Variants in IAH1 observed in about 807,000 individuals in gnomAD.
The protein encoded by IAH1 is isoamyl acetate-hydrolyzing esterase 1 homolog.
In IAH1, 24 loss-of-function variants were observed where a neutral mutation model predicts 26.7. The ratio of observed to expected loss-of-function variants is 0.90; its 90% CI spans 0.65 to 1.26. The LOEUF is 1.26. Ranked by LOEUF, IAH1 falls within the 50% of genes most tolerant of loss-of-function variation. The pLI is 0.00. For synonymous variants in IAH1, 140 were observed against 118.5 expected (o/e 1.18, Z -1.18); for missense variants, 300 against 299.9 (o/e 1.00, Z 0.00).
intron 6 of IAH1, chr2:9,494,948 G>T: frequency 1.6e-6 from 1 of 615,294 alleles, no homozygotes; most frequent in Non-Finnish European, 2.6e-6. Flanking sequence ...ACACTCCTCA[G>T]CCTTCAGTGA....
At chr2:9,486,674 C>CA (rs1363416877) in intron 5 of IAH1, 4 of 151,940 alleles carry the variant, frequency 2.6e-5, no homozygotes, top group African/African-American at 9.7e-5. Context: ...CTTAAAAATA[C>CA]AAAAATTAGC....
downstream of IAH1, chr2:9,490,564 TCG>T: frequency 6.5e-7 from 1 of 1,531,876 alleles, no homozygotes; most frequent in East Asian, 2.3e-5. Context: ...AAAAGATGAA[TCG>T]GAGGTCCTCA....
chr2:9,482,033 T>TTTC (rs71389250), intron 4 of IAH1, among the ~76,000 whole-genome samples: 2 of 27,548 alleles, frequency 7.3e-5, no homozygotes, highest in African/African-American at 5.5e-4. Flanking sequence ...GGAAGTTCTC[T>TTTC]TTTTTTTTTT....
rs573123340 is a variant in IAH1, at chr2:9,481,465, A to C, written c.445+18A>C. On this transcript the variant is annotated intron_variant, in intron 4 of 5. Transcript: ENST00000497473. ...CATACAAGGTAAACAAACCACAGCCAATCTCGGCAAATCTGGATAGGAATG... is the reference window on the plus strand; with the variant it reads ...CATACAAGGTAAACAAACCACAGCCCATCTCGGCAAATCTGGATAGGAATG... The C allele has an allele frequency of 3.7e-6, 6 of 1,613,048 alleles. No homozygotes were observed. The African/African-American group carries it at 4.0e-5, about 11-fold the overall frequency.
the IAH1 span, among the ~76,000 whole-genome samples, chr2:9,511,000 C>T: frequency 1.3e-5 from 2 of 152,050 alleles, no homozygotes; most frequent in African/African-American, 4.8e-5. Flanking sequence ...AACATCAAAC[C>T]TTGGCCATTT....
chr2:9,493,908 A>G (rs950699636), downstream of IAH1: 52 of 1,163,526 alleles, frequency 4.5e-5, no homozygotes, highest in Admixed American at 6.2e-5. Context: ...AATAACTGAC[A>G]TGTAAAGGGC....
At chr2:9,493,181 C>T (rs1662300251), downstream of IAH1, among the ~76,000 whole-genome samples, 1 of 152,174 alleles carries the variant, frequency 6.6e-6, no homozygotes, top group African/African-American at 2.4e-5. Context: ...AAATAGCCCT[C>T]ATATACTGGC....
the IAH1 span, among the ~76,000 whole-genome samples, chr2:9,502,564 C>T: frequency 6.6e-6 from 1 of 152,054 alleles, no homozygotes; most frequent in African/African-American, 2.4e-5. Context: ...ATTCATTTAA[C>T]GCATTAATTT....
the IAH1 span, chr2:9,512,305 TG>T: frequency 6.6e-6 from 1 of 152,138 alleles, no homozygotes; most frequent in Non-Finnish European, 1.5e-5. Context: ...TTTTTTGCTG[TG>T]TTTTTTTAAG....
At chr2:9,474,323 G>A (rs903412443), upstream of IAH1, among the ~76,000 whole-genome samples, 1 of 152,210 alleles carries the variant, frequency 6.6e-6, no homozygotes, top group Admixed American at 6.5e-5. The surrounding 1 kb of genome is among the most constrained non-coding windows in gnomAD (Gnocchi z 4.3). Context: ...GCCCCCAACC[G>A]CTTTTCTTCC....
At chr2:9,477,743 CG>C (rs1359549932) in intron 2 of IAH1, among the ~76,000 whole-genome samples, 1 of 151,772 alleles carries the variant, frequency 6.6e-6, no homozygotes, top group Non-Finnish European at 1.5e-5. Context: ...AAGTATTAAC[CG>C]GTTTAAGTTG....
the IAH1 span, among the ~76,000 whole-genome samples, chr2:9,508,443 A>G: frequency 1.3e-5 from 2 of 152,174 alleles, no homozygotes; most frequent in African/African-American, 4.8e-5. Flanking sequence ...CATATTTCAC[A>G]TATCACAAAA....
At chr2:9,495,095 T>C (rs1662471279) in intron 6 of IAH1, among the ~76,000 whole-genome samples, 1 of 152,170 alleles carries the variant, frequency 6.6e-6, no homozygotes, top group Non-Finnish European at 1.5e-5. Context: ...GTCCCAACTT[T>C]CTTGTCACCC....
At chr2:9,498,404 G>A (rs1400788099), downstream of IAH1, among the ~76,000 whole-genome samples, 1 of 152,114 alleles carries the variant, frequency 6.6e-6, no homozygotes, top group Admixed American at 6.5e-5. Context: ...GAATCATTCT[G>A]GAAAATGAAT....
rs1403057257 is a variant in IAH1, at chr2:9,474,678, C to A, written c.81+31C>A. The A allele has an allele frequency of 1.3e-6, 2 of 1,487,344 alleles. No homozygotes were observed. The highest frequency in any genetic ancestry group is 1.8e-6 in the Non-Finnish European group (2 of 1,105,140). 92.1% of individuals were successfully genotyped at this position (1,487,344 alleles called of 1,614,324 possible). ...GCCGCCCCGACGCTCGGCCTCCCGC[C>A]CCGGCCTCCCTGCGGGGTCGCTGCC... On this transcript the variant is annotated intron_variant, in intron 1 of 5. Coordinates refer to ENST00000497473, the MANE Select transcript of IAH1 (RefSeq NM_001039613.3). The surrounding 1 kb of genome is among the most constrained non-coding windows in gnomAD (Gnocchi z 4.3).
intron 2 of IAH1, among the ~76,000 whole-genome samples, chr2:9,476,568 T>C (rs1480510157): frequency 3.3e-5 from 5 of 152,228 alleles, no homozygotes; most frequent in Non-Finnish European, 5.9e-5. Flanking sequence ...GCAAGTGGGC[T>C]GAGTCTGAAA....
At chr2:9,484,380 G>A in intron 4 of IAH1, 52 bp from the exon 5 acceptor site, 2 of 1,349,226 alleles carry the variant, frequency 1.5e-6, no homozygotes, top group East Asian at 2.3e-5. Context: ...ACTTACACAA[G>A]GGCCAGCACT....
rs1682365132 is a variant in IAH1, at chr2:9,474,602, C to T, written c.36C>T (p.Ala12=). The T allele has an allele frequency of 6.5e-7, 1 of 1,549,876 alleles. No individual in the cohort carries two copies. Residue 12 remains alanine, a synonymous_variant, in exon 1 of 6, where the codon GCC becomes GCT. Transcript: ENST00000497473. The surrounding 1 kb of genome is among the most constrained non-coding windows in gnomAD (Gnocchi z 4.3). ...ALCEAAGCGS[A]LLWPRLLLFG... ...GCGAGGCCGCGGGCTGCGGGAGTGC[C>T]CTGCTCTGGCCTCGCTTGTTGCTCT...
Position 9,481,339 on chromosome 2 carries a change from A to G in IAH1, c.337A>G (p.Ser113Gly). 1 of 1,614,204 alleles carries G rather than the reference A, an allele frequency of 6.2e-7. No individual in the cohort carries two copies. The highest frequency in any genetic ancestry group is 8.5e-7 in the Non-Finnish European group (1 of 1,180,028). ...PLEEYAANLK[S>G]MVQYLKSVDI... ...GGAGGAGTACGCTGCGAACCTAAAG[A>G]GCATGGTGCAGTACCTGAAGTCCGT... The change falls in exon 4 of 6, where the codon AGC becomes GGC. Residue 113 changes from serine to glycine, a missense_variant. Physicochemically the swap from Ser to Gly is moderately conservative, Grantham distance 56 (BLOSUM62 0). Coordinates refer to ENST00000497473, the MANE Select transcript of IAH1 (RefSeq NM_001039613.3).
Sources: allele counts gnomAD v4.1 joint callset (sites outside exome capture counted in the v4.1 genomes callset), GRCh38; gene constraint gnomAD v4.1.1; non-coding constraint Gnocchi (gnomAD v3.1); transcripts MANE v1.5; gene names NCBI Gene and HGNC (gene_info 2026-07-23, HGNC 2026-07-21).